Variants in LTA4H observed in about 807,000 individuals in gnomAD.
LTA4H encodes the protein leukotriene A-4 hydrolase.
Under a neutral mutation model 89.8 loss-of-function variants are expected in LTA4H, and 59 were observed. The observed-to-expected ratio is 0.66, with a 90% CI of 0.53 to 0.82. The LOEUF (loss-of-function observed/expected upper bound fraction) is 0.82. Ranked by LOEUF, LTA4H falls within the 40% of genes least tolerant of loss-of-function variation. LTA4H has a pLI of 0.00. For missense variants in LTA4H, 617 were observed against 727.0 expected, an observed-to-expected ratio of 0.85 and a Z score of 1.74; for synonymous variants, 227 against 253.1, an observed-to-expected ratio of 0.90 and a Z score of 0.98.
intron 10 of LTA4H, among the ~76,000 whole-genome samples, chr12:96,016,320 A>G (rs1331642991): frequency 6.7e-6 from 1 of 148,260 alleles, no homozygotes; most frequent in African/African-American, 2.5e-5. Flanking sequence ...AAAAAAAAAA[A>G]TCCTTGTTGG....
upstream of LTA4H, among the ~76,000 whole-genome samples, chr12:96,036,317 C>T (rs1212455832): frequency 1.3e-5 from 2 of 152,016 alleles, no homozygotes; most frequent in Non-Finnish European, 2.9e-5. Context: ...GCCTTTGTGG[C>T]AGGTGAAGGA....
intron 1 of LTA4H, among the ~76,000 whole-genome samples, 156 bp downstream of exon 1, chr12:96,035,205 C>T (rs972821334): frequency 1.3e-5 from 2 of 152,088 alleles, no homozygotes; most frequent in African/African-American, 4.8e-5. Flanking sequence ...AAGTGCACAA[C>T]ATGAGTTGGA....
At chr12:96,017,254 C>A (rs886784919) in intron 9 of LTA4H, 140 bp from the exon 10 acceptor site, 6 of 659,542 alleles carry the variant, frequency 9.1e-6, no homozygotes, top group South Asian at 8.2e-5. Flanking sequence ...TCAGCAAAAT[C>A]TTTAATTTAA....
chr12:96,016,899 C>CAA (rs201954724), intron 10 of LTA4H, 145 bp downstream of exon 10: 145 of 513,510 alleles, frequency 2.8e-4, no homozygotes, highest in Middle Eastern at 1.1e-3. Flanking sequence ...GACTCCATGT[C>CAA]AAAAAAAAAA....
chr12:96,013,089 A>G, intron 14 of LTA4H, 99 bp downstream of exon 14: 1 of 891,010 alleles, frequency 1.1e-6, no homozygotes, highest in Non-Finnish European at 1.8e-6. Context: ...ATCATTTACT[A>G]GTAACAGTTT....
Position 96,030,122 on chromosome 12 carries a change from C to T in LTA4H, c.160-937G>A, listed in dbSNP as rs532086489. Among the ~76,000 whole-genome samples, 16 of 152,330 alleles carry T rather than the reference C, an allele frequency of 1.1e-4. No individual in the cohort carries two copies. The South Asian group carries it at 1.5e-3, about 14-fold the overall frequency. On this transcript the variant is annotated intron_variant, in intron 1 of 18. Transcript: ENST00000228740. Reference sequence around the variant, plus strand: ...AATAACCTTGACCTCTGTCTACTCACAGCCCTTATGGACTATGTCATCTGG... The same window carrying T: ...AATAACCTTGACCTCTGTCTACTCATAGCCCTTATGGACTATGTCATCTGG...
intron 4 of LTA4H, among the ~76,000 whole-genome samples, chr12:96,024,065 G>T (rs1950484744): frequency 6.6e-6 from 1 of 151,906 alleles, no homozygotes; most frequent in African/African-American, 2.4e-5. Flanking sequence ...GAGTAGCTGG[G>T]ACTACAGGTG....
rs1592886435 is a variant in LTA4H at position 96,019,342 on chromosome 12, G to A, written c.639-102C>T. ...TTGTAGACAAACCTTTACAGTGAGA[G>A]TGCATTTACCATGTGCCTATGGGAA... On this transcript the variant is annotated intron_variant, in intron 6 of 18. Coordinates refer to ENST00000228740, the MANE Select transcript of LTA4H (RefSeq NM_000895.3). 5.2e-6 allele frequency: 5 copies of A among 958,366 alleles called. No homozygotes were observed. The East Asian group carries it at 1.2e-4, about 24-fold the overall frequency. 59.4% of individuals were successfully genotyped at this position (958,366 alleles called of 1,614,324 possible).
chr12:96,038,183 A>T (rs1461790584), upstream of LTA4H, among the ~76,000 whole-genome samples: 1 of 152,164 alleles, frequency 6.6e-6, no homozygotes, highest in Non-Finnish European at 1.5e-5. Flanking sequence ...GCATGCTGGT[A>T]TGGTTCAATT....
At position 96,010,760 on chromosome 12, in the gene LTA4H, A is replaced by G. The variant is rs565586443; in HGVS notation, c.1380-1612T>C. On this transcript the variant is annotated intron_variant, in intron 14 of 18. Transcript: ENST00000228740. ...GGTTTACTCTAGCTTTAGTGTGGAG[A>G]GTGGCTGGGAGAAGTCAGAACAGAT... The G allele has an allele frequency of 5.3e-5, 8 of 152,320 alleles. No individual in the cohort carries two copies. The East Asian group carries it at 9.6e-4, about 18-fold the overall frequency. The allele number at this position is 152,320 out of a possible 1,614,324, so 9.4% of individuals were successfully genotyped here.
At chr12:96,009,897 A>T (rs994329679) in intron 14 of LTA4H, 1 of 152,182 alleles carries the variant, frequency 6.6e-6, no homozygotes, top group Non-Finnish European at 1.5e-5. Context: ...GTAAGTTTTG[A>T]TTAGAAGTTA....
At chr12:96,009,238 G>T in intron 14 of LTA4H, 90 bp from the exon 15 acceptor site, 1 of 839,406 alleles carries the variant, frequency 1.2e-6, no homozygotes. Flanking sequence ...AAATTTCAAA[G>T]TCCCTTTTAA....
At chr12:96,029,242 A>G in intron 1 of LTA4H, 57 bp from the exon 2 acceptor site, 5 of 975,120 alleles carry the variant, frequency 5.1e-6, no homozygotes, top group Non-Finnish European at 7.5e-6. Flanking sequence ...GAAAAAACTC[A>G]TATTAGATAT....
Position 96,035,528 on chromosome 12 carries a change from G to C in LTA4H, c.-9C>G. The C allele has an allele frequency of 6.3e-7, 1 of 1,599,634 alleles. No homozygotes were observed. The highest frequency in any genetic ancestry group is 8.5e-7 in the Non-Finnish European group (1 of 1,172,738). On this transcript the variant is annotated 5_prime_UTR_variant, in exon 1 of 19. Transcript: ENST00000228740. Reference sequence around the variant, plus strand: ...TCCACTATCTCGGGCATGGCTCTGGGGGATCACACAGCACAGCGACCTACA... The same window carrying C: ...TCCACTATCTCGGGCATGGCTCTGGCGGATCACACAGCACAGCGACCTACA...
intron 1 of LTA4H, among the ~76,000 whole-genome samples, chr12:96,032,436 T>C (rs545028550): frequency 8.5e-5 from 13 of 152,324 alleles, no homozygotes; most frequent in African/African-American, 2.9e-4. Flanking sequence ...ATTGAAATCA[T>C]CCATTAATCA....
intron 1 of LTA4H, among the ~76,000 whole-genome samples, chr12:96,030,291 T>G (rs959383591): frequency 6.6e-6 from 1 of 152,180 alleles, no homozygotes; most frequent in Non-Finnish European, 1.5e-5. Context: ...GGTCCTTTGA[T>G]TTTCTTGCCA....
At position 96,018,862 on chromosome 12, in the gene LTA4H, C is replaced by A. The variant is rs181715691; in HGVS notation, c.753G>T (p.Pro251=). ...ATAGGTCATACTGTCCCCATACATA[C>A]GGTCCTCCCAGATCTTCTGCTATTT... ...MLKIAEDLGG[P]YVWGQYDLLV... The change falls in exon 8 of 19, where the codon CCG becomes CCT. Residue 251 remains proline (P), a synonymous_variant. Transcript: ENST00000228740. 1 of 1,602,140 alleles carries A rather than the reference C, an allele frequency of 6.2e-7. No homozygotes were observed. The highest frequency in any genetic ancestry group is 2.2e-5 in the East Asian group (1 of 44,700).
At position 96,004,012 on chromosome 12, in the gene LTA4H, C is replaced by A; in HGVS notation, c.1531-92G>T. 7.0e-6 allele frequency: 4 copies of A among 567,562 alleles called. No homozygotes were observed. In the South Asian group the frequency reaches 9.0e-5, roughly 13 times the overall value. The allele number at this position is 567,562 out of a possible 1,614,324, so 35.2% of individuals were successfully genotyped here. ...GAGAAATGCATAGCCAGATTAAAAT[C>A]CTAAATATTTTATAATATAGAAATA... On this transcript the variant is annotated intron_variant, in intron 16 of 18. Transcript: ENST00000228740.
At chr12:96,036,440 A>C (rs556002485), upstream of LTA4H, among the ~76,000 whole-genome samples, 3 of 152,180 alleles carry the variant, frequency 2.0e-5, no homozygotes, top group Non-Finnish European at 2.9e-5. Context: ...TCCTGGGTGC[A>C]TTAATGGGGG....
Sources: allele counts gnomAD v4.1 joint callset (sites outside exome capture counted in the v4.1 genomes callset), GRCh38; gene constraint gnomAD v4.1.1; transcripts MANE v1.5; gene names NCBI Gene and HGNC (gene_info 2026-07-23, HGNC 2026-07-21).